The following SSX2IP variants were observed in gnomAD, a reference collection of about 807,000 sequenced individuals.
The protein encoded by SSX2IP is afadin- and alpha-actinin-binding protein.
A neutral mutation model predicts 84.9 loss-of-function variants in SSX2IP; 55 were observed. The observed-to-expected ratio is 0.65, with a 90% CI of 0.52 to 0.81. The LOEUF is 0.81. SSX2IP is among the 30% of genes least tolerant of loss of function. The probability of loss-of-function intolerance (pLI) is 0.00; values close to 1 mark genes in which losing one functional copy is unlikely to be tolerated. For synonymous variants in SSX2IP, 239 were observed against 234.7 expected (o/e 1.02, Z -0.17); for missense variants, 664 against 705.2 (o/e 0.94, Z 0.66).
chr1:84,682,328 T>C (rs921598017), intron 1 of SSX2IP, among the ~76,000 whole-genome samples: 9 of 152,164 alleles, frequency 5.9e-5, no homozygotes, highest in African/African-American at 1.9e-4. Flanking sequence ...GCAACACTTC[T>C]GTTATGTACT....
chr1:84,668,707 T>C (rs1035332135), intron 4 of SSX2IP, among the ~76,000 whole-genome samples: 9 of 152,058 alleles, frequency 5.9e-5, no homozygotes, highest in Non-Finnish European at 1.2e-4. Context: ...TATAGACAGG[T>C]CCTATTATTC....
intron 1 of SSX2IP, among the ~76,000 whole-genome samples, chr1:84,675,502 T>C (rs1654197443): frequency 6.6e-6 from 1 of 152,196 alleles, no homozygotes; most frequent in African/African-American, 2.4e-5. Context: ...TATTCCTAAA[T>C]AAAATAGCTA....
At chr1:84,659,546 T>A (rs915498173) in intron 8 of SSX2IP, among the ~76,000 whole-genome samples, 5 of 152,034 alleles carry the variant, frequency 3.3e-5, no homozygotes, top group Non-Finnish European at 7.4e-5. Context: ...CTGTATGTAA[T>A]CCCAGCACTT....
rs536492765 is a variant in SSX2IP, at chr1:84,651,222, C to G, written c.1504+661G>C. On this transcript the variant is annotated intron_variant, in intron 12 of 13. Transcript: ENST00000342203. ...GTCTCAGCTACTCAGGAGGCTGAGG[C>G]AAGGAGGATTGCCTGAGCCCAGGAC... Among the ~76,000 whole-genome samples the G allele has an allele frequency of 6.6e-4, 101 of 152,138 alleles. 2 individuals are homozygous for G. In the South Asian group the frequency reaches 0.021, roughly 31 times the overall value.
At chr1:84,690,132 C>T in intron 1 of SSX2IP, 1 of 152,420 alleles carries the variant, frequency 6.6e-6, no homozygotes, top group Non-Finnish European at 1.5e-5. Flanking sequence ...CCAGCGAGAG[C>T]GGTCCCGGGG....
intron 11 of SSX2IP, 118 bp downstream of exon 11, chr1:84,655,714 A>T: frequency 7.1e-7 from 1 of 1,415,322 alleles, no homozygotes; most frequent in East Asian, 2.5e-5. Flanking sequence ...TTGTGAGATC[A>T]CCAGTAAATA....
chr1:84,682,246 G>C (rs1419473568), intron 1 of SSX2IP, among the ~76,000 whole-genome samples: 1 of 152,146 alleles, frequency 6.6e-6, no homozygotes, highest in East Asian at 1.9e-4. Flanking sequence ...CCAGGGCGCT[G>C]TCACTTCAGG....
Position 84,662,375 on chromosome 1 carries a change from C to T in SSX2IP, c.750G>A (p.Arg250=). ...GSWRTGKTEA[R]NEDEMYKILL... ...GAATTTTATACATTTCATCTTCATT[C>T]CTGAGAAAGAAACTGTCAGTATGAA... The change falls in exon 8 of 14, where the codon AGG becomes AGA. Residue 250 remains arginine (R), a splice_region_variant and synonymous_variant. Coordinates refer to ENST00000342203, the MANE Select transcript of SSX2IP (RefSeq NM_001166293.2). 1.2e-6 allele frequency: 2 copies of T among 1,606,312 alleles called. No homozygotes were observed. The highest frequency in any genetic ancestry group is 1.7e-6 in the Non-Finnish European group (2 of 1,177,228).
At chr1:84,671,127 T>G in intron 2 of SSX2IP, 50 bp downstream of exon 2, 1 of 1,581,718 alleles carries the variant, frequency 6.3e-7, no homozygotes. Flanking sequence ...CATTGAAAAA[T>G]TCACCTTTAC....
chr1:84,666,289 A>T, intron 4 of SSX2IP, 57 bp from the exon 5 acceptor site: 1 of 1,314,124 alleles, frequency 7.6e-7, no homozygotes, highest in Non-Finnish European at 1.1e-6. Context: ...GAATAACTGA[A>T]TCCTTAAAAT....
rs1649390714 is a variant in SSX2IP, at chr1:84,645,729, C to T, written c.*1704G>A. The T allele has an allele frequency of 6.6e-6, 1 of 152,070 alleles. No homozygotes were observed. The highest frequency in any genetic ancestry group is 1.5e-5 in the Non-Finnish European group (1 of 68,004). The allele number at this position is 152,070 out of a possible 1,614,324, so 9.4% of individuals were successfully genotyped here. On this transcript the variant is annotated 3_prime_UTR_variant, in exon 14 of 14. Transcript: ENST00000342203. ...ATAGCAAAACAAACAAAAACAAAAA[C>T]AACAAAAATCCTATATCCCAGCTAG...
Position 84,658,478 on chromosome 1 carries a change from G to C in SSX2IP, c.928-10C>G. 1.2e-6 allele frequency: 2 copies of C among 1,612,258 alleles called. No homozygotes were observed. Among genetic ancestry groups the C allele is most frequent in the Non-Finnish European group, 1.7e-6 (2 of 1,178,924 alleles). ...CAACATCGGAAATAACCTACAAGCG[G>C]AGAGAGATGAAGAGGAAAGGCTAGT... On this transcript the variant is annotated splice_polypyrimidine_tract_variant and intron_variant, in intron 8 of 13. Transcript: ENST00000342203.
intron 10 of SSX2IP, 122 bp from the exon 11 acceptor site, chr1:84,656,127 A>G: frequency 9.5e-7 from 1 of 1,047,138 alleles, no homozygotes; most frequent in Non-Finnish European, 1.4e-6. Flanking sequence ...TAAGAATCAA[A>G]AAGTCAAATG....
chr1:84,682,002 G>A (rs1655146837), intron 1 of SSX2IP, among the ~76,000 whole-genome samples: 1 of 152,134 alleles, frequency 6.6e-6, no homozygotes, highest in Admixed American at 6.5e-5. Context: ...GGAGGAAAGA[G>A]GGAAATTGAC....
chr1:84,689,507 AAAGAG>A (rs1325563932), intron 1 of SSX2IP, among the ~76,000 whole-genome samples: 1 of 152,222 alleles, frequency 6.6e-6, no homozygotes, highest in Non-Finnish European at 1.5e-5. Flanking sequence ...AGCGTCCAGA[AAAGAG>A]AAATCTCAAT....
intron 9 of SSX2IP, 139 bp from the exon 10 acceptor site, chr1:84,656,623 T>A (rs555457607): frequency 3.2e-6 from 2 of 619,862 alleles, no homozygotes; most frequent in Non-Finnish European, 4.8e-6. Flanking sequence ...AGTAGTTACG[T>A]CCTTTGACTT....
intron 1 of SSX2IP, among the ~76,000 whole-genome samples, chr1:84,675,717 C>G (rs992545755): frequency 6.6e-6 from 1 of 152,262 alleles, no homozygotes; most frequent in Non-Finnish European, 1.5e-5. Flanking sequence ...CTATTATTTA[C>G]GTAAAAATGC....
intron 4 of SSX2IP, among the ~76,000 whole-genome samples, chr1:84,667,855 C>CCTT (rs1652979484): frequency 1.3e-5 from 2 of 152,146 alleles, no homozygotes; most frequent in Non-Finnish European, 2.9e-5. Context: ...CCCTTGCGTC[C>CCTT]TACCCCAAGA....
At chr1:84,666,383 T>A in intron 4 of SSX2IP, 151 bp from the exon 5 acceptor site, 1 of 620,788 alleles carries the variant, frequency 1.6e-6, no homozygotes. Flanking sequence ...TTTAAAGGAA[T>A]TATTACAAAG....
Sources: allele counts gnomAD v4.1 joint callset (sites outside exome capture counted in the v4.1 genomes callset), GRCh38; gene constraint gnomAD v4.1.1; transcripts MANE v1.5; gene names NCBI Gene and HGNC (gene_info 2026-07-23, HGNC 2026-07-21).